The following NDUFA5 variants were observed in gnomAD, a reference collection of about 807,000 sequenced individuals.
The protein encoded by NDUFA5 is NADH:ubiquinone oxidoreductase subunit A5, also known as NADH dehydrogenase [ubiquinone] 1 alpha subcomplex subunit 5.
A neutral mutation model predicts 19.8 loss-of-function variants in NDUFA5; 11 were observed. The ratio of observed to expected loss-of-function variants is 0.56; its 90% confidence interval spans 0.35 to 0.92. NDUFA5 has a LOEUF of 0.92. Ranked by LOEUF, NDUFA5 falls within the 40% of genes least tolerant of loss-of-function variation. The probability of loss-of-function intolerance (pLI) is 0.01; values close to 1 mark genes in which losing one functional copy is unlikely to be tolerated. For missense variants in NDUFA5, 109 were observed against 134.2 expected (o/e 0.81, Z 0.93); for synonymous variants, 47 against 46.8 (o/e 1.00, Z -0.01).
At chr7:123,563,284 G>T in the NDUFA5 span, among the ~76,000 whole-genome samples, 1 of 152,170 alleles carries the variant, frequency 6.6e-6, no homozygotes, top group Non-Finnish European at 1.5e-5. Flanking sequence ...TAAAGTGAGA[G>T]ATTTGTGACT....
the NDUFA5 span, among the ~76,000 whole-genome samples, chr7:123,600,853 T>A: frequency 6.6e-6 from 1 of 152,060 alleles, no homozygotes. Context: ...AAAGAAAATG[T>A]CAGAGATGAG....
chr7:123,543,080 G>A (rs1313551376), intron 4 of NDUFA5, among the ~76,000 whole-genome samples: 3 of 152,084 alleles, frequency 2.0e-5, no homozygotes, highest in African/African-American at 7.2e-5. Context: ...TATGACAGCG[G>A]TCCCAAAAGT....
At chr7:123,581,179 C>T in the NDUFA5 span, among the ~76,000 whole-genome samples, 1 of 151,838 alleles carries the variant, frequency 6.6e-6, no homozygotes, top group Non-Finnish European at 1.5e-5. Context: ...ATGAATGTTG[C>T]TCAGGGCATG....
chr7:123,546,650 A>T, intron 3 of NDUFA5: 1 of 1,279,896 alleles, frequency 7.8e-7, no homozygotes, highest in South Asian at 1.3e-5. Flanking sequence ...AGAGGGAGAA[A>T]ATAATACATT....
At chr7:123,566,648 A>G in the NDUFA5 span, among the ~76,000 whole-genome samples, 1 of 152,224 alleles carries the variant, frequency 6.6e-6, no homozygotes, top group South Asian at 2.1e-4. Flanking sequence ...ACATATATGT[A>G]CTAATGACAT....
chr7:123,582,646 T>C, the NDUFA5 span, among the ~76,000 whole-genome samples: 9 of 151,874 alleles, frequency 5.9e-5, no homozygotes, highest in Non-Finnish European at 1.2e-4. Context: ...CCTCTCCCCT[T>C]ATACATTATC....
Position 123,541,255 on chromosome 7 carries a change from T to C in NDUFA5, c.*864A>G, listed in dbSNP as rs904658275. On this transcript the variant is annotated 3_prime_UTR_variant, in exon 5 of 5. Coordinates refer to ENST00000355749, the MANE Select transcript of NDUFA5 (RefSeq NM_005000.5). ...ATAAATTTCAGGAACTCTTAATGTC[T>C]CTTCTTTTACAGAAACTCTACCTCT... is the stretch of plus-strand genomic sequence containing the variant. The C allele has an allele frequency of 6.6e-5, 10 of 152,238 alleles. No individual in the cohort carries two copies. The highest frequency in any genetic ancestry group is 1.5e-4 in the Non-Finnish European group (10 of 68,042). The allele number at this position is 152,238 out of a possible 1,614,324, so 9.4% of individuals were successfully genotyped here.
At chr7:123,596,105 C>T in the NDUFA5 span, among the ~76,000 whole-genome samples, 2 of 151,926 alleles carry the variant, frequency 1.3e-5, no homozygotes, top group African/African-American at 4.8e-5. Flanking sequence ...AAATCTAAAA[C>T]TAGCATAAAT....
upstream of NDUFA5, among the ~76,000 whole-genome samples, chr7:123,562,269 A>T (rs945183614): frequency 4.6e-5 from 7 of 151,966 alleles, no homozygotes. Context: ...ATCATTCTTC[A>T]GGGTCCTAGG....
the NDUFA5 span, among the ~76,000 whole-genome samples, chr7:123,578,450 T>C: frequency 1.3e-5 from 2 of 151,946 alleles, no homozygotes; most frequent in Non-Finnish European, 2.9e-5. Context: ...CTTTCCTCCT[T>C]CTACTTATTT....
chr7:123,538,771 T>C lies in NDUFA5; in HGVS notation c.*3348A>G, dbSNP rs1294888012. On this transcript the variant is annotated 3_prime_UTR_variant, in exon 5 of 5. Transcript: ENST00000355749. ...ATATGTTCAGCAATTTGGTACTTAATCCCATACCCCACAATACACTTGTGT... is the reference window on the plus strand; with the variant it reads ...ATATGTTCAGCAATTTGGTACTTAACCCCATACCCCACAATACACTTGTGT... The C allele has an allele frequency of 6.6e-6, 1 of 152,144 alleles. No homozygotes were observed. The highest frequency in any genetic ancestry group is 1.9e-4 in the East Asian group (1 of 5,192). The allele number at this position is 152,144 out of a possible 1,614,324, so 9.4% of individuals were successfully genotyped here. A position where few individuals can be genotyped will look rare whatever the true frequency, so the allele number is the denominator to read the frequency against.
chr7:123,545,584 C>T, intron 4 of NDUFA5, 27 bp downstream of exon 4: 13 of 1,585,310 alleles, frequency 8.2e-6, no homozygotes, highest in Non-Finnish European at 1.1e-5. Context: ...TGAAACCAAA[C>T]ACCTAAATAG....
chr7:123,553,720 G>A (rs1030560553), intron 2 of NDUFA5, among the ~76,000 whole-genome samples: 7 of 152,112 alleles, frequency 4.6e-5, no homozygotes, highest in African/African-American at 1.7e-4. Flanking sequence ...AGGTGCACTG[G>A]ACAAGTTATT....
the NDUFA5 span, among the ~76,000 whole-genome samples, chr7:123,597,917 C>CGTGTGTGTGTGTGTGT: frequency 1.5e-5 from 2 of 132,974 alleles, no homozygotes; most frequent in Admixed American, 7.5e-5. Context: ...TTTCAAACTT[C>CGTGTGTGTGTGTGTGT]GTGTGTGTGT....
chr7:123,542,203 A>G lies in NDUFA5; in HGVS notation c.267T>C (p.Asn89=). ...TCCATTCCCTCATTTTTCTTGCCAG[A>G]TTTAGTTCATGTTCAGCCTGTTAAT... ...EVILQAEHEL[N]LARKMREWKL... Residue 89 remains asparagine (N), a synonymous_variant, in exon 5 of 5, where the codon AAT becomes AAC. Transcript: ENST00000355749. The G allele has an allele frequency of 6.2e-7, 1 of 1,611,626 alleles. No homozygotes were observed. The highest frequency in any genetic ancestry group is 1.1e-5 in the South Asian group (1 of 90,818).
chr7:123,557,369 G>C (rs775985979), intron 2 of NDUFA5, 35 bp downstream of exon 2: 53 of 1,613,132 alleles, frequency 3.3e-5, no homozygotes, highest in Non-Finnish European at 4.2e-5. Flanking sequence ...TCTTCCTTGG[G>C]AATTCAAGAA....
upstream of NDUFA5, among the ~76,000 whole-genome samples, chr7:123,561,759 G>A (rs1339276165): frequency 3.3e-5 from 5 of 151,926 alleles, no homozygotes; most frequent in East Asian, 1.9e-4. Flanking sequence ...CACCGCACCC[G>A]GCTAATTTTT....
the NDUFA5 span, among the ~76,000 whole-genome samples, chr7:123,570,925 C>T: frequency 1.3e-4 from 20 of 152,258 alleles, no homozygotes; most frequent in East Asian, 3.9e-4. Context: ...ACCAGCTGTA[C>T]GGCCTGGGTG....
At chr7:123,594,961 C>A in the NDUFA5 span, among the ~76,000 whole-genome samples, 1 of 152,154 alleles carries the variant, frequency 6.6e-6, no homozygotes, top group Admixed American at 6.6e-5. Flanking sequence ...GCTTCCCTGC[C>A]GCTTTGTTTA....
Sources: allele counts gnomAD v4.1 joint callset (sites outside exome capture counted in the v4.1 genomes callset), GRCh38; gene constraint gnomAD v4.1.1; transcripts MANE v1.5; gene names NCBI Gene and HGNC (gene_info 2026-07-23, HGNC 2026-07-21).